Variants in PPP2R2D observed in about 807,000 individuals in gnomAD.
The protein encoded by PPP2R2D is protein phosphatase 2 regulatory subunit Bdelta.
Under a neutral mutation model 31.1 loss-of-function variants are expected in PPP2R2D, and 9 were observed. The observed-to-expected ratio is 0.29, with a 90% CI of 0.17 to 0.51. The LOEUF (loss-of-function observed/expected upper bound fraction) is 0.51. Ranked by LOEUF, PPP2R2D falls within the 20% of genes least tolerant of loss-of-function variation. The pLI is 0.98. For missense variants in PPP2R2D, 391 were observed against 465.6 expected, an observed-to-expected ratio of 0.84 and a Z score of 1.48; for synonymous variants, 179 against 172.6, an observed-to-expected ratio of 1.04 and a Z score of -0.29.
intron 2 of PPP2R2D, among the ~76,000 whole-genome samples, chr10:131,916,212 C>T (rs897478380): frequency 6.6e-6 from 1 of 152,168 alleles, no homozygotes; most frequent in Non-Finnish European, 1.5e-5. Context: ...GCACACACAG[C>T]ACCCAGAGGC....
At chr10:131,910,988 CT>C (rs1257562533) in intron 2 of PPP2R2D, among the ~76,000 whole-genome samples, 2 of 152,324 alleles carry the variant, frequency 1.3e-5, no homozygotes, top group Non-Finnish European at 2.9e-5. Flanking sequence ...GTCCCTCGCC[CT>C]GTGCATCACC....
chr10:131,930,629 T>C lies in PPP2R2D; in HGVS notation c.101-3829T>C, dbSNP rs72856063. ...TTCATCCACCATGTTTCCTGCAACC[T>C]GTGTGATGCCATCTGACTCCCTTCC... On this transcript the variant is annotated intron_variant, in intron 2 of 8. Transcript: ENST00000455566. 3.6e-3 allele frequency among the ~76,000 whole-genome samples: 546 copies of C among 152,374 alleles called. 3 individuals are homozygous for C. The highest frequency in any genetic ancestry group is 6.5e-3 in the Non-Finnish European group (439 of 68,036).
intron 3 of PPP2R2D, 190 bp from the exon 4 acceptor site, chr10:131,939,841 G>A (rs2119838109): frequency 2.8e-6 from 1 of 360,838 alleles, no homozygotes; most frequent in Non-Finnish European, 5.0e-6. Context: ...TAGAAGTGGA[G>A]TCGAAGAGTC....
chr10:131,921,562 C>G (rs1437751210), intron 2 of PPP2R2D, among the ~76,000 whole-genome samples: 1 of 152,030 alleles, frequency 6.6e-6, no homozygotes, highest in Non-Finnish European at 1.5e-5. Flanking sequence ...CAGGCTGGGG[C>G]AATGGGGTGT....
Position 131,956,067 on chromosome 10 carries a change from C to A in PPP2R2D, c.*104C>A. 4 of 1,282,588 alleles carry A rather than the reference C, an allele frequency of 3.1e-6. No homozygotes were observed. Among genetic ancestry groups the A allele is most frequent in the Non-Finnish European group, 3.9e-6 (4 of 1,013,762 alleles). 79.5% of individuals were successfully genotyped at this position (1,282,588 alleles called of 1,614,324 possible). On this transcript the variant is annotated 3_prime_UTR_variant, in exon 9 of 9. Transcript: ENST00000455566. ...CCGCTCCATTAAGAACAGTGACGCACCTGCTACTTCCCTTCACAGACACAG... is the reference window on the plus strand; with the variant it reads ...CCGCTCCATTAAGAACAGTGACGCAACTGCTACTTCCCTTCACAGACACAG...
chr10:131,916,358 ATTTTT>A (rs1307213543), intron 2 of PPP2R2D, among the ~76,000 whole-genome samples: 1 of 150,096 alleles, frequency 6.7e-6, no homozygotes, highest in Non-Finnish European at 1.5e-5. Context: ...AGGTCTAGGA[ATTTTT>A]TTTAATTGTG....
intron 2 of PPP2R2D, among the ~76,000 whole-genome samples, chr10:131,921,153 A>G (rs2035979192): frequency 6.6e-6 from 1 of 152,214 alleles, no homozygotes; most frequent in African/African-American, 2.4e-5. Flanking sequence ...GGCAAGGGAA[A>G]TACTTGTCAC....
chr10:131,904,823 A>G (rs950636525), intron 2 of PPP2R2D, among the ~76,000 whole-genome samples: 7 of 151,908 alleles, frequency 4.6e-5, no homozygotes, highest in Non-Finnish European at 4.4e-5. Flanking sequence ...AGGAGTAGGC[A>G]CTCCTGACTT....
At chr10:131,924,482 C>T (rs1210068668) in intron 2 of PPP2R2D, among the ~76,000 whole-genome samples, 4 of 151,894 alleles carry the variant, frequency 2.6e-5, no homozygotes, top group African/African-American at 9.7e-5. Context: ...ATCAGTTGAC[C>T]GTAAGTGTCC....
chr10:131,914,348 A>G (rs1249165194), intron 2 of PPP2R2D, among the ~76,000 whole-genome samples: 1 of 152,190 alleles, frequency 6.6e-6, no homozygotes, highest in East Asian at 1.9e-4. Context: ...AACAGAGTGG[A>G]CCCTGTCTCA....
At chr10:131,936,370 T>G (rs1397293771) in intron 3 of PPP2R2D, among the ~76,000 whole-genome samples, 1 of 151,974 alleles carries the variant, frequency 6.6e-6, no homozygotes, top group African/African-American at 2.4e-5. Context: ...GGTCTTGAAC[T>G]CCTGACCTCA....
intron 3 of PPP2R2D, among the ~76,000 whole-genome samples, chr10:131,936,867 C>T (rs547927624): frequency 1.9e-4 from 29 of 152,344 alleles, no homozygotes; most frequent in Non-Finnish European, 3.7e-4. Context: ...AAGGCTTTCA[C>T]GGTCCATCCA....
chr10:131,944,584 A>G (rs375458597), intron 6 of PPP2R2D, among the ~76,000 whole-genome samples: 24 of 152,312 alleles, frequency 1.6e-4, no homozygotes, highest in Middle Eastern at 3.4e-3. Flanking sequence ...GGGTGGCCCC[A>G]GCCCTCCTCA....
At chr10:131,914,125 T>C (rs1255903330) in intron 2 of PPP2R2D, among the ~76,000 whole-genome samples, 1 of 152,238 alleles carries the variant, frequency 6.6e-6, no homozygotes, top group Non-Finnish European at 1.5e-5. Context: ...GGTCTGCATG[T>C]TTAACCGCAT....
At chr10:131,962,274 C>T (rs1341464511), downstream of PPP2R2D, among the ~76,000 whole-genome samples, 7 of 152,152 alleles carry the variant, frequency 4.6e-5, no homozygotes, top group African/African-American at 7.2e-5. Flanking sequence ...GTCATCATCA[C>T]GCACGGGAAA....
chr10:131,907,757 A>T (rs2119720720), intron 2 of PPP2R2D, among the ~76,000 whole-genome samples: 1 of 152,134 alleles, frequency 6.6e-6, no homozygotes, highest in African/African-American at 2.4e-5. Flanking sequence ...AAAAAAAAAA[A>T]AAGATTCACA....
At chr10:131,921,383 A>C (rs1477269257) in intron 2 of PPP2R2D, among the ~76,000 whole-genome samples, 8 of 152,148 alleles carry the variant, frequency 5.3e-5, no homozygotes, top group African/African-American at 1.9e-4. Context: ...TTCGGCAGTT[A>C]AGAGTTCATC....
At chr10:131,911,886 A>G (rs2035689808) in intron 2 of PPP2R2D, 2 of 152,324 alleles carry the variant, frequency 1.3e-5, no homozygotes, top group Admixed American at 6.5e-5. Context: ...TTTTGTCTCA[A>G]AATACAAAAA....
intron 3 of PPP2R2D, among the ~76,000 whole-genome samples, chr10:131,939,006 G>A (rs1161249731): frequency 2.6e-5 from 4 of 152,280 alleles, no homozygotes; most frequent in Non-Finnish European, 5.9e-5. Context: ...AGATGGTGCA[G>A]AAGCAGCCAG....
Sources: allele counts gnomAD v4.1 joint callset (sites outside exome capture counted in the v4.1 genomes callset), GRCh38; gene constraint gnomAD v4.1.1; transcripts MANE v1.5; gene names NCBI Gene and HGNC (gene_info 2026-07-23, HGNC 2026-07-21).